The following CSMD1 variants were observed in gnomAD, a reference collection of about 807,000 sequenced individuals.
CSMD1 encodes CUB and Sushi multiple domains 1.
Under a neutral mutation model 417.5 loss-of-function variants are expected in CSMD1, and 213 were observed. That is an observed-to-expected ratio of 0.51 (90% CI 0.46 to 0.57). CSMD1 has a LOEUF of 0.57. Ranked by LOEUF, CSMD1 falls within the 20% of genes least tolerant of loss-of-function variation. The pLI, the probability that CSMD1 is intolerant of heterozygous loss-of-function variation, is 0.00. For missense variants in CSMD1, 6,923 were observed against 4,529.7 expected (o/e 1.53, Z -15.17); for synonymous variants, 2,862 against 1,736.8 (o/e 1.65, Z -16.11).
chr8:4,345,150 A>T (rs921505633), intron 3 of CSMD1, among the ~76,000 whole-genome samples: 1 of 152,172 alleles, frequency 6.6e-6, no homozygotes, highest in African/African-American at 2.4e-5. Context: ...CAAGAAGCAG[A>T]AAACAGTGGA....
chr8:3,783,064 G>T (rs553986091), intron 5 of CSMD1, among the ~76,000 whole-genome samples: 4 of 152,232 alleles, frequency 2.6e-5, no homozygotes, highest in African/African-American at 4.8e-5. Flanking sequence ...ACTGTTGAAA[G>T]CAAGTCCCCA....
At chr8:4,945,022 T>C (rs1808276077) in intron 1 of CSMD1, among the ~76,000 whole-genome samples, 1 of 152,108 alleles carries the variant, frequency 6.6e-6, no homozygotes. Flanking sequence ...GGCAGATGAA[T>C]GGATAAGCAA....
At chr8:4,254,960 T>C (rs1585105631) in intron 3 of CSMD1, among the ~76,000 whole-genome samples, 1 of 152,206 alleles carries the variant, frequency 6.6e-6, no homozygotes, top group Admixed American at 6.5e-5. Context: ...GTGGACTCCA[T>C]AACCATCGAC....
At chr8:4,951,988 T>G (rs947563417) in intron 1 of CSMD1, among the ~76,000 whole-genome samples, 10 of 151,368 alleles carry the variant, frequency 6.6e-5, no homozygotes, top group African/African-American at 2.4e-4. Flanking sequence ...TAAACATAGT[T>G]TATCTTAAAA....
intron 3 of CSMD1, among the ~76,000 whole-genome samples, chr8:4,255,297 CTA>C (rs1336581424): frequency 6.6e-6 from 1 of 152,130 alleles, no homozygotes; most frequent in Non-Finnish European, 1.5e-5. Flanking sequence ...CAAAGACCTC[CTA>C]TATTGGTGAA....
At chr8:3,150,912 A>T (rs993881780) in intron 40 of CSMD1, among the ~76,000 whole-genome samples, 1 of 152,108 alleles carries the variant, frequency 6.6e-6, no homozygotes, top group African/African-American at 2.4e-5. Context: ...ACTAGATATT[A>T]AAAAAACAAC....
intron 5 of CSMD1, among the ~76,000 whole-genome samples, chr8:3,985,098 G>A (rs1337384186): frequency 6.6e-6 from 1 of 151,924 alleles, no homozygotes; most frequent in East Asian, 1.9e-4. Context: ...ACTTAGGGGG[G>A]ACTTGTCATG....
chr8:4,747,133 T>C (rs1457290568), intron 1 of CSMD1, among the ~76,000 whole-genome samples: 1 of 152,088 alleles, frequency 6.6e-6, no homozygotes, highest in Non-Finnish European at 1.5e-5. Flanking sequence ...TCCTAAGAGG[T>C]TGAAGAGATT....
chr8:3,039,940 T>G (rs1810979111), intron 50 of CSMD1, among the ~76,000 whole-genome samples: 1 of 152,150 alleles, frequency 6.6e-6, no homozygotes, highest in Non-Finnish European at 1.5e-5. Context: ...ATAAACATAG[T>G]CATAGCACGG....
chr8:4,917,972 G>A (rs1806183673), intron 1 of CSMD1, among the ~76,000 whole-genome samples: 1 of 152,154 alleles, frequency 6.6e-6, no homozygotes, highest in African/African-American at 2.4e-5. Context: ...TTAGTAGAGT[G>A]AGTATTGTTA....
At chr8:3,448,345 GAGGAAGGAAGAAGGAAGAA>G (rs1815449370) in intron 12 of CSMD1, among the ~76,000 whole-genome samples, 1 of 2,732 alleles carries the variant, frequency 3.7e-4, no homozygotes, top group Non-Finnish European at 7.2e-4. Flanking sequence ...GGGAGGGAGG[GAGGAAGGAAGAAGGAAGAA>G]GGGAGGAAGG....
intron 3 of CSMD1, among the ~76,000 whole-genome samples, chr8:4,337,255 G>A (rs923847129): frequency 1.3e-5 from 2 of 152,054 alleles, no homozygotes; most frequent in African/African-American, 4.8e-5. Context: ...ATAAAACATA[G>A]CATCATGGCA....
At chr8:4,094,066 A>G (rs1051591114) in intron 3 of CSMD1, among the ~76,000 whole-genome samples, 1 of 152,222 alleles carries the variant, frequency 6.6e-6, no homozygotes, top group East Asian at 1.9e-4. Context: ...GGTGTGAAGG[A>G]CAGTGTGGAA....
At chr8:4,941,411 C>T (rs560123931) in intron 1 of CSMD1, among the ~76,000 whole-genome samples, 1 of 152,260 alleles carries the variant, frequency 6.6e-6, no homozygotes, top group South Asian at 2.1e-4. Context: ...TTGTGACATT[C>T]TGTACCAACA....
intron 5 of CSMD1, among the ~76,000 whole-genome samples, chr8:3,915,866 T>C (rs552913192): frequency 5.0e-4 from 75 of 149,692 alleles, no homozygotes; most frequent in African/African-American, 1.8e-3. Context: ...AACTTTTCAA[T>C]TGTTTTTGAA....
intron 1 of CSMD1, among the ~76,000 whole-genome samples, chr8:4,805,840 T>C (rs1798557131): frequency 6.6e-6 from 1 of 152,092 alleles, no homozygotes; most frequent in Admixed American, 6.5e-5. Flanking sequence ...AAGTGGAAGC[T>C]CATTGTGGGA....
At chr8:3,527,611 T>TAAG (rs1797807010) in intron 10 of CSMD1, among the ~76,000 whole-genome samples, 1 of 151,968 alleles carries the variant, frequency 6.6e-6, no homozygotes, top group Non-Finnish European at 1.5e-5. Flanking sequence ...CACGGGCATC[T>TAAG]AAGAGTCCAT....
At chr8:4,284,155 G>A (rs1157594440) in intron 3 of CSMD1, among the ~76,000 whole-genome samples, 5 of 152,086 alleles carry the variant, frequency 3.3e-5, no homozygotes, top group Non-Finnish European at 5.9e-5. Context: ...ATCACCTGAG[G>A]TCAGGAGTTC....
At chr8:3,394,161 G>A (rs1161427871) in intron 17 of CSMD1, among the ~76,000 whole-genome samples, 1 of 145,126 alleles carries the variant, frequency 6.9e-6, no homozygotes, top group African/African-American at 2.5e-5. Flanking sequence ...CAGGATAAAT[G>A]AAAAGAATAC....
Sources: allele counts gnomAD v4.1 joint callset (sites outside exome capture counted in the v4.1 genomes callset), GRCh38; gene constraint gnomAD v4.1.1; transcripts MANE v1.5; gene names NCBI Gene and HGNC (gene_info 2026-07-23, HGNC 2026-07-21).